Variants in POTEJ observed in about 807,000 individuals in gnomAD.
The protein encoded by POTEJ is POTE ankyrin domain family member J.
POTEJ carries 11 observed loss-of-function variants against 69.0 expected under a neutral mutation model. The ratio of observed to expected loss-of-function variants is 0.16; its 90% CI spans 0.10 to 0.26. The LOEUF (loss-of-function observed/expected upper bound fraction) is 0.26, where lower values mean the gene tolerates loss of function less well. POTEJ is among the 10% of genes least tolerant of loss of function. The pLI is 1.00. For synonymous variants in POTEJ, 117 were observed against 381.1 expected (o/e 0.31, Z 8.07); for missense variants, 327 against 1,045.5 (o/e 0.31, Z 9.48).
chr2:130,612,936 A>C (rs1483634193), intron 1 of POTEJ, among the ~76,000 whole-genome samples: 2 of 134,956 alleles, frequency 1.5e-5, no homozygotes, highest in Non-Finnish European at 3.1e-5. Context: ...CCAGATATCA[A>C]AATGTGCATG....
Position 130,618,774 on chromosome 2 carries a change from CTTTTT to C in POTEJ, c.700-1250_700-1246del, listed in dbSNP as rs1204750696. ...AATCTTTCCAATAACATTAATCTGA[CTTTTT>C]TTTTTTTTTTTTTTTTTTTTGAGAT... is the stretch of plus-strand genomic sequence containing the variant. On this transcript the variant is annotated intron_variant, in intron 3 of 14. Coordinates refer to ENST00000409602, the MANE Select transcript of POTEJ (RefSeq NM_001277083.2). Among the ~76,000 whole-genome samples, 151 of 32,142 alleles carry C rather than the reference CTTTTT, an allele frequency of 4.7e-3. 1 individual carries two copies. Among genetic ancestry groups the C allele is most frequent in the African/African-American group, 0.029 (137 of 4,698 alleles). 21.1% of individuals were successfully genotyped at this position (32,142 alleles called of 152,430 possible).
At chr2:130,627,808 C>G (rs1256899280) in intron 6 of POTEJ, among the ~76,000 whole-genome samples, 1 of 147,062 alleles carries the variant, frequency 6.8e-6, no homozygotes, top group Non-Finnish European at 1.5e-5. Context: ...CTAAAGATTG[C>G]TGACTCAAAC....
intron 13 of POTEJ, among the ~76,000 whole-genome samples, chr2:130,651,860 T>C (rs888920655): frequency 6.9e-6 from 1 of 145,676 alleles, no homozygotes; most frequent in African/African-American, 2.6e-5. Flanking sequence ...ACTGAATAGG[T>C]TAAAAGTGAA....
At chr2:130,627,350 A>T (rs1685748812) in intron 6 of POTEJ, among the ~76,000 whole-genome samples, 1 of 149,310 alleles carries the variant, frequency 6.7e-6, no homozygotes, top group South Asian at 2.1e-4. Flanking sequence ...AATGATCAAA[A>T]GTTAGCATCC....
chr2:130,629,515 T>G (rs1296219206), intron 6 of POTEJ, among the ~76,000 whole-genome samples: 2 of 102,576 alleles, frequency 1.9e-5, no homozygotes, highest in East Asian at 2.7e-4. Context: ...GCTCTGGCTT[T>G]TCAGGCAGGG....
chr2:130,627,521 TG>T (rs1250639146), intron 6 of POTEJ, among the ~76,000 whole-genome samples: 1 of 142,694 alleles, frequency 7.0e-6, no homozygotes, highest in African/African-American at 2.8e-5. Context: ...AGTCCTAGAG[TG>T]CCCTGCTTGA....
At chr2:130,641,062 G>A (rs555720734) in intron 10 of POTEJ, among the ~76,000 whole-genome samples, 8 of 152,016 alleles carry the variant, frequency 5.3e-5, no homozygotes, top group Admixed American at 3.3e-4. Context: ...CTACTTAACC[G>A]TGCTGTTGTC....
chr2:130,641,028 T>C (rs1441400145), intron 10 of POTEJ, among the ~76,000 whole-genome samples: 1 of 152,016 alleles, frequency 6.6e-6, no homozygotes, highest in Non-Finnish European at 1.5e-5. Context: ...GGCAATATTT[T>C]AGACTATGTG....
chr2:130,649,129 TCCAAATGTATGTCTCCAA>T (rs1485380053), intron 13 of POTEJ, among the ~76,000 whole-genome samples: 1 of 147,840 alleles, frequency 6.8e-6, no homozygotes, highest in Non-Finnish European at 1.5e-5. Flanking sequence ...GCTAGTGATT[TCCAAATGTATGTCTCCAA>T]CTTAGATCTC....
intron 13 of POTEJ, among the ~76,000 whole-genome samples, chr2:130,652,132 G>C (rs1023768446): frequency 7.4e-6 from 1 of 135,768 alleles, no homozygotes; most frequent in Admixed American, 7.2e-5. Flanking sequence ...CACAAGAGCT[G>C]ACGGTTTCAT....
In POTEJ at chr2:130,657,058, C is replaced by A; in HGVS notation, c.2298C>A (p.Ile766=). The change falls in exon 15 of 15, where the codon ATC becomes ATA. Residue 766 remains isoleucine, a synonymous_variant. Coordinates refer to ENST00000409602, the MANE Select transcript of POTEJ (RefSeq NM_001277083.2). ...ELRVAPEEHP[I]LLTEAPLNPK... is the part of the protein sequence containing the mutation. The stretch of plus-strand genomic sequence containing the variant: ...GTGTGGCCCCCGAGGAGCACCCCAT[C>A]CTGCTGACCGAGGCCCCCCTGAACC... 1 of 1,581,342 alleles carries A rather than the reference C, an allele frequency of 6.3e-7. No individual in the cohort carries two copies. The highest frequency in any genetic ancestry group is 8.6e-7 in the Non-Finnish European group (1 of 1,156,940).
chr2:130,637,317 A>G (rs1392540382), intron 9 of POTEJ, among the ~76,000 whole-genome samples: 8 of 151,296 alleles, frequency 5.3e-5, no homozygotes, highest in African/African-American at 2.4e-5. Flanking sequence ...ATTTTATTTT[A>G]TTTTATTTTA....
chr2:130,657,067 C>G lies in POTEJ; in HGVS notation c.2307C>G (p.Thr769=), dbSNP rs537219664. The G allele has an allele frequency of 1.9e-6, 3 of 1,579,814 alleles. 1 individual carries two copies. In the African/African-American group the frequency reaches 4.5e-5, roughly 24 times the overall value. Residue 769 remains threonine, a synonymous_variant, in exon 15 of 15, where the codon ACC becomes ACG. Coordinates refer to ENST00000409602, the MANE Select transcript of POTEJ (RefSeq NM_001277083.2). ...CCGAGGAGCACCCCATCCTGCTGAC[C>G]GAGGCCCCCCTGAACCCCAAGGCCA... ...VAPEEHPILL[T]EAPLNPKANR...
At chr2:130,614,174 A>G (rs1270637495) in intron 1 of POTEJ, among the ~76,000 whole-genome samples, 1 of 151,886 alleles carries the variant, frequency 6.6e-6, no homozygotes, top group African/African-American at 2.4e-5. Flanking sequence ...AAAGAAAAAA[A>G]AAAAAAAAAG....
chr2:130,647,125 T>C (rs1686608740), intron 13 of POTEJ, among the ~76,000 whole-genome samples: 1 of 150,732 alleles, frequency 6.6e-6, no homozygotes, highest in South Asian at 2.1e-4. Flanking sequence ...CAAAATAATG[T>C]ATTATGCAAC....
At chr2:130,634,165 C>A (rs1250498219) in intron 9 of POTEJ, among the ~76,000 whole-genome samples, 2 of 152,240 alleles carry the variant, frequency 1.3e-5, no homozygotes, top group Admixed American at 6.5e-5. Context: ...TGGATTTGGC[C>A]CAAGGTGCTA....
intron 3 of POTEJ, among the ~76,000 whole-genome samples, chr2:130,618,894 A>G (rs1186108128): frequency 8.1e-6 from 1 of 123,300 alleles, no homozygotes; most frequent in Non-Finnish European, 1.6e-5. Flanking sequence ...ATGGTCCTCC[A>G]ACCTCAGTTT....
Position 130,648,313 on chromosome 2 carries a change from A to G in POTEJ, c.1667+2003A>G, listed in dbSNP as rs1384481469. On this transcript the variant is annotated intron_variant, in intron 13 of 14. Coordinates refer to ENST00000409602, the MANE Select transcript of POTEJ (RefSeq NM_001277083.2). ...ATAAAATTTGAAAACTCCACCTGTT[A>G]TGTAAAATTTGGAAGCTACTATTTC... Among the ~76,000 whole-genome samples, 1,226 of 144,476 alleles carry G rather than the reference A, an allele frequency of 8.5e-3. 2 individuals are homozygous for G. Among genetic ancestry groups the G allele is most frequent in the African/African-American group, 0.03 (1,128 of 37,108 alleles). The allele number at this position is 144,476 out of a possible 152,430, so 94.8% of individuals were successfully genotyped here. A position where few individuals can be genotyped will look rare whatever the true frequency, so the allele number is the denominator to read the frequency against.
chr2:130,634,060 C>T (rs1392601633), intron 9 of POTEJ, among the ~76,000 whole-genome samples: 20 of 151,988 alleles, frequency 1.3e-4, no homozygotes, highest in African/African-American at 4.6e-4. Flanking sequence ...CACAGGTGTG[C>T]AACATCACAC....
Sources: gnomAD v4.1 joint callset for allele counts (sites outside exome capture counted in the v4.1 genomes callset) on GRCh38, gnomAD v4.1.1 for gene constraint, MANE v1.5 for transcripts, NCBI Gene and HGNC (gene_info 2026-07-23, HGNC 2026-07-21) for gene names.